Variants in QKI observed in about 807,000 individuals in gnomAD.
QKI encodes KH domain-containing RNA-binding protein QKI.
QKI carries 10 observed loss-of-function variants against 39.0 expected under a neutral mutation model. The ratio of observed to expected loss-of-function variants is 0.26; its 90% confidence interval spans 0.16 to 0.43. QKI has a LOEUF of 0.43. QKI is among the 20% of genes least tolerant of loss of function. QKI has a pLI of 1.00. For synonymous variants in QKI, 204 were observed against 155.4 expected, an observed-to-expected ratio of 1.31 and a Z score of -2.33; for missense variants, 218 against 428.0, an observed-to-expected ratio of 0.51 and a Z score of 4.33.
At chr6:163,500,701 G>A (rs1014092955) in intron 3 of QKI, among the ~76,000 whole-genome samples, 3 of 152,088 alleles carry the variant, frequency 2.0e-5, no homozygotes, top group African/African-American at 7.2e-5. Context: ...ATAAACAACT[G>A]AATAAGACTT....
At chr6:163,447,388 A>G (rs1420390088) in intron 1 of QKI, among the ~76,000 whole-genome samples, 1 of 152,034 alleles carries the variant, frequency 6.6e-6, no homozygotes, top group African/African-American at 2.4e-5. Context: ...GCTACTTTGA[A>G]ATATACAATG....
At chr6:163,531,182 G>A (rs546378870) in intron 3 of QKI, among the ~76,000 whole-genome samples, 5 of 152,030 alleles carry the variant, frequency 3.3e-5, no homozygotes, top group African/African-American at 9.7e-5. Flanking sequence ...GCATTGTAGC[G>A]TCTTTTATTA....
intron 2 of QKI, among the ~76,000 whole-genome samples, chr6:163,476,341 C>T (rs1344395425): frequency 4.8e-5 from 7 of 145,286 alleles, no homozygotes; most frequent in African/African-American, 1.5e-4. Flanking sequence ...AAGGGTCAGT[C>T]TCTTGTCCTG....
chr6:163,452,770 C>T (rs749784453), intron 1 of QKI, among the ~76,000 whole-genome samples: 22 of 152,176 alleles, frequency 1.4e-4, no homozygotes, highest in Admixed American at 3.9e-4. Flanking sequence ...TCTTGTTGCC[C>T]GGGCTGGAGT....
rs60823251 is a variant in QKI at position 163,572,670 on chromosome 6, A to ACCCCCCCCCCCCCCCCCCCC, written c.*1971_*1972insCCCCCCCCCCCCCCCCCCCC. 5 of 19,630 alleles carry ACCCCCCCCCCCCCCCCCCCC rather than the reference A, an allele frequency of 2.5e-4. No individual in the cohort carries two copies. The highest frequency in any genetic ancestry group is 8.9e-4 in the African/African-American group (4 of 4,496). The allele number at this position is 19,630 out of a possible 1,614,324, so 1.2% of individuals were successfully genotyped here. A position where few individuals can be genotyped will look rare whatever the true frequency, so the allele number is the denominator to read the frequency against. On this transcript the variant is annotated 3_prime_UTR_variant, in exon 8 of 8. Transcript: ENST00000361752. Reference sequence around the variant, plus strand: ...CGTGGCAAATCTCAAGTGACAGTGGACCCCCCCCCCCGCCCAGCTTATCAA... The same window carrying ACCCCCCCCCCCCCCCCCCCC: ...CGTGGCAAATCTCAAGTGACAGTGGACCCCCCCCCCCCCCCCCCCCCCCCCCCCCCCGCCCAGCTTATCAA...
rs369363168 is a variant in QKI, at chr6:163,448,768, A to G, written c.143-6511A>G. Among the ~76,000 whole-genome samples the G allele has an allele frequency of 1.1e-4, 17 of 151,912 alleles. No individual in the cohort carries two copies. In the East Asian group the frequency reaches 1.2e-3, roughly 10 times the overall value. On this transcript the variant is annotated intron_variant, in intron 1 of 7. Transcript: ENST00000361752. Reference sequence around the variant, plus strand: ...TAAATAAGTAAATAAATAATACTCTAGTAACTTGCTTTTTAATCTAGTTGC... The same window carrying G: ...TAAATAAGTAAATAAATAATACTCTGGTAACTTGCTTTTTAATCTAGTTGC...
chr6:163,446,734 T>C (rs757465096), intron 1 of QKI, among the ~76,000 whole-genome samples: 3 of 152,200 alleles, frequency 2.0e-5, no homozygotes, highest in Non-Finnish European at 4.4e-5. Context: ...TCAGTTTAAA[T>C]GAGAAAGGCT....
At chr6:163,484,964 A>G (rs972708621) in intron 3 of QKI, among the ~76,000 whole-genome samples, 2 of 152,210 alleles carry the variant, frequency 1.3e-5, no homozygotes, top group Non-Finnish European at 2.9e-5. Flanking sequence ...AAAATGCAGT[A>G]TATGTGAAGT....
chr6:163,570,795 T>C lies in QKI; in HGVS notation c.*85T>C. ...CTGATCAGTTAACTGGTAATCGCCT[T>C]TGCTTGCCTGTCGTCAGTGCAGCGA... is the stretch of plus-strand genomic sequence containing the variant. On this transcript the variant is annotated 3_prime_UTR_variant, in exon 8 of 8. Coordinates refer to ENST00000361752, the MANE Select transcript of QKI (RefSeq NM_006775.3). 1 of 1,552,718 alleles carries C rather than the reference T, an allele frequency of 6.4e-7. No individual in the cohort carries two copies. The highest frequency in any genetic ancestry group is 8.8e-7 in the Non-Finnish European group (1 of 1,140,858).
intron 1 of QKI, among the ~76,000 whole-genome samples, chr6:163,441,046 G>T (rs1190164812): frequency 1.3e-5 from 2 of 152,156 alleles, no homozygotes; most frequent in African/African-American, 4.8e-5. Context: ...TAGGGTTTAT[G>T]ATAAAGCTCA....
At chr6:163,465,890 G>A (rs908091184) in intron 2 of QKI, among the ~76,000 whole-genome samples, 5 of 151,860 alleles carry the variant, frequency 3.3e-5, no homozygotes, top group Admixed American at 2.0e-4. Flanking sequence ...TTGGGAGGCC[G>A]AAGCGGGCGG....
chr6:163,436,870 A>G (rs1200881514), intron 1 of QKI, among the ~76,000 whole-genome samples: 1 of 151,396 alleles, frequency 6.6e-6, no homozygotes, highest in African/African-American at 2.4e-5. Flanking sequence ...AGTAAATTGT[A>G]TATTTTTCAT....
At chr6:163,423,605 A>G (rs182476345) in intron 1 of QKI, 3 of 152,348 alleles carry the variant, frequency 2.0e-5, no homozygotes, top group Non-Finnish European at 4.4e-5. Context: ...AAAGAAGACA[A>G]ACCAAATGAT....
intron 6 of QKI, chr6:163,565,838 C>G: frequency 6.8e-7 from 1 of 1,460,878 alleles, no homozygotes; most frequent in Admixed American, 2.1e-5. Context: ...ATAAGCAGTG[C>G]CCTTCAAAAC....
intron 3 of QKI, among the ~76,000 whole-genome samples, chr6:163,516,168 A>G (rs571135767): frequency 1.3e-5 from 2 of 152,312 alleles, no homozygotes; most frequent in East Asian, 1.9e-4. Context: ...TAGAAAATCT[A>G]AAGTACATAT....
chr6:163,465,056 C>A (rs964968885), intron 2 of QKI, among the ~76,000 whole-genome samples: 2 of 152,004 alleles, frequency 1.3e-5, no homozygotes, highest in Non-Finnish European at 2.9e-5. Flanking sequence ...TGAGCTACAC[C>A]AAATTAACAG....
chr6:163,552,554 A>C (rs909138333), intron 4 of QKI, among the ~76,000 whole-genome samples: 10 of 151,914 alleles, frequency 6.6e-5, no homozygotes, highest in Non-Finnish European at 1.3e-4. Context: ...GAGTAAGCGG[A>C]GGAGGAGGAG....
intron 2 of QKI, among the ~76,000 whole-genome samples, chr6:163,460,730 C>T (rs1258059101): frequency 1.3e-5 from 2 of 152,080 alleles, no homozygotes; most frequent in Admixed American, 1.3e-4. Flanking sequence ...TGAAGGATCA[C>T]GAACTTCAGG....
At chr6:163,486,627 G>T (rs1777697338) in intron 3 of QKI, among the ~76,000 whole-genome samples, 1 of 152,130 alleles carries the variant, frequency 6.6e-6, no homozygotes, top group Non-Finnish European at 1.5e-5. Flanking sequence ...TATATTTTTA[G>T]AAAAGTGAGA....
Sources: gnomAD v4.1 joint callset for allele counts (sites outside exome capture counted in the v4.1 genomes callset) on GRCh38, gnomAD v4.1.1 for gene constraint, MANE v1.5 for transcripts, NCBI Gene and HGNC (gene_info 2026-07-23, HGNC 2026-07-21) for gene names.